Variants in CAMSAP3 observed in about 807,000 individuals in gnomAD.
The protein encoded by CAMSAP3 is calmodulin-regulated spectrin-associated protein 3.
In CAMSAP3, 34 loss-of-function variants were observed where a neutral mutation model predicts 112.5. The ratio of observed to expected loss-of-function variants is 0.30; its 90% confidence interval spans 0.23 to 0.40. The LOEUF (loss-of-function observed/expected upper bound fraction) is 0.40. Ranked by LOEUF, CAMSAP3 falls within the 10% of genes least tolerant of loss-of-function variation. CAMSAP3 has a pLI of 1.00. For synonymous variants in CAMSAP3, 868 were observed against 799.8 expected (o/e 1.09, Z -1.44); for missense variants, 1,602 against 1,770.3 (o/e 0.90, Z 1.71).
rs539455375 is a variant in CAMSAP3 at position 7,595,877 on chromosome 19, AGCGGCGGCG to A, written c.-111_-103del. On this transcript the variant is annotated 5_prime_UTR_variant, in exon 1 of 17. Transcript: ENST00000160298. ...CGCAAGCGGCCGCACCTGGCTCAGC[AGCGGCGGCG>A]GCGGCGGCGGCGGCAGCGGCGGTAG... is the stretch of plus-strand genomic sequence containing the variant. 4 of 279,942 alleles carry A rather than the reference AGCGGCGGCG, an allele frequency of 1.4e-5. No individual in the cohort carries two copies. The highest frequency in any genetic ancestry group is 1.6e-5 in the Non-Finnish European group (3 of 186,976). The allele number at this position is 279,942 out of a possible 1,614,324, so 17.3% of individuals were successfully genotyped here.
At position 7,610,632 on chromosome 19, in the gene CAMSAP3, GC is replaced by G. The variant is rs2030430600; in HGVS notation, c.900+19del. The G allele has an allele frequency of 1.9e-6, 3 of 1,613,668 alleles. No individual in the cohort carries two copies. The highest frequency in any genetic ancestry group is 1.7e-5 in the Admixed American group (1 of 60,022). ...CCACTCAAGGTAAGGCCATCCTGGGGCCTCCTGGGCCGAGGCGGGCATCTGG... is the reference window on the plus strand; with the variant it reads ...CCACTCAAGGTAAGGCCATCCTGGGGCTCCTGGGCCGAGGCGGGCATCTGG... On this transcript the variant is annotated intron_variant, in intron 6 of 16. Coordinates refer to ENST00000160298, the MANE Select transcript of CAMSAP3 (RefSeq NM_020902.2). This position sits in a 1 kb window ranked among gnomAD's most constrained non-coding sequence, Gnocchi z 4.9.
rs569966559 is a variant in CAMSAP3 at position 7,612,323 on chromosome 19, A to T, written c.1830A>T (p.Lys610Asn). Residue 610 changes from lysine to asparagine, a missense_variant, in exon 11 of 17, where the codon AAA becomes AAT. Transcript: ENST00000160298. ...AGCTCAGCGCCCGGCTGGAGGAGAA[A>T]CGCAGAGCCATCGAGGCTCAGAAGC... is the stretch of plus-strand genomic sequence containing the variant. The part of the protein sequence containing the change: ...MSELSARLEE[K>N]RRAIEAQKRR... 1.2e-6 allele frequency: 2 copies of T among 1,605,292 alleles called. No individual in the cohort carries two copies. The highest frequency in any genetic ancestry group is 3.4e-5 in the Admixed American group (2 of 59,410).
intron 2 of CAMSAP3, among the ~76,000 whole-genome samples, chr19:7,605,792 A>T (rs1328001000): frequency 1.4e-5 from 2 of 142,970 alleles, no homozygotes; most frequent in African/African-American, 5.3e-5. Flanking sequence ...TGTCCATCAA[A>T]CCTAGCTCCT....
Position 7,617,743 on chromosome 19 carries a change from C to T in CAMSAP3, c.3445-9C>T, listed in dbSNP as rs755021418. ...TGGCCAGCTGACCATTTCCAGCACT[C>T]CTGCCCAGGAAATTGAGAAAAGCAA... On this transcript the variant is annotated splice_polypyrimidine_tract_variant and intron_variant, in intron 16 of 16. Coordinates refer to ENST00000160298, the MANE Select transcript of CAMSAP3 (RefSeq NM_020902.2). This position sits in a 1 kb window ranked among gnomAD's most constrained non-coding sequence, Gnocchi z 7.5. 5.0e-6 allele frequency: 8 copies of T among 1,611,672 alleles called. No homozygotes were observed. In the African/African-American group the frequency reaches 9.3e-5, roughly 19 times the overall value.
At position 7,617,568 on chromosome 19, in the gene CAMSAP3, C is replaced by T. The variant is rs1453048487; in HGVS notation, c.3351C>T (p.Ser1117=). The change falls in exon 16 of 17, where the codon AGC becomes AGT. Residue 1117 remains serine (S), a synonymous_variant. Transcript: ENST00000160298. This position sits in a 1 kb window ranked among gnomAD's most constrained non-coding sequence, Gnocchi z 7.5. ...YTGPRLYKEP[S]AKSNKFIIHN... ...GTCCACGGCTGTACAAAGAACCCAG[C>T]GCCAAGTCCAACAAGTTCATCATCC... The T allele has an allele frequency of 2.2e-5, 35 of 1,614,154 alleles. No individual in the cohort carries two copies. The East Asian group carries it at 5.8e-4, about 27-fold the overall frequency.
Position 7,607,887 on chromosome 19 carries a change from C to A in CAMSAP3, c.622-239C>A, listed in dbSNP as rs747122417. The A allele has an allele frequency of 4.7e-6, 5 of 1,059,220 alleles. No homozygotes were observed. The East Asian group carries it at 7.3e-5, about 15-fold the overall frequency. The allele number at this position is 1,059,220 out of a possible 1,614,324, so 65.6% of individuals were successfully genotyped here. A position where few individuals can be genotyped will look rare whatever the true frequency, so the allele number is the denominator to read the frequency against. On this transcript the variant is annotated intron_variant, in intron 4 of 16. Coordinates refer to ENST00000160298, the MANE Select transcript of CAMSAP3 (RefSeq NM_020902.2). The surrounding 1 kb of genome is among the most constrained non-coding windows in gnomAD (Gnocchi z 4.9). ...CCCCATGGTAATGTATCCCCCGCCC[C>A]GGGGTCCCAGGAGTCCCTGTCCCCA...
At chr19:7,597,356 A>G (rs964272444) in intron 1 of CAMSAP3, among the ~76,000 whole-genome samples, 4 of 152,178 alleles carry the variant, frequency 2.6e-5, no homozygotes, top group Non-Finnish European at 5.9e-5. Flanking sequence ...GAGATTGGGC[A>G]TTGGACAGCC....
intron 1 of CAMSAP3, among the ~76,000 whole-genome samples, chr19:7,603,435 G>A (rs910987450): frequency 3.3e-5 from 5 of 151,902 alleles, no homozygotes; most frequent in Admixed American, 6.6e-5. Flanking sequence ...GGCTGGTCTT[G>A]AACTCCTGAC....
At position 7,615,439 on chromosome 19, in the gene CAMSAP3, G is replaced by C. The variant is rs1387982968; in HGVS notation, c.2832G>C (p.Pro944=). 5.2e-6 allele frequency: 8 copies of C among 1,540,966 alleles called. No individual in the cohort carries two copies. The highest frequency in any genetic ancestry group is 1.2e-5 in the South Asian group (1 of 83,922). ...GCAGGCTGGCCCAAGAGGAGGCCCCGGGCCCAGCCCCGCTTGTGTCCGCAG... is the reference window on the plus strand; with the variant it reads ...GCAGGCTGGCCCAAGAGGAGGCCCCCGGCCCAGCCCCGCTTGTGTCCGCAG... ...EAARLAQEEA[P]GPAPLVSAVP... is the part of the protein sequence containing the mutation. Residue 944 remains proline, a synonymous_variant, in exon 13 of 17, where the codon CCG becomes CCC. Transcript: ENST00000160298. This position sits in a 1 kb window ranked among gnomAD's most constrained non-coding sequence, Gnocchi z 6.5.
chr19:7,617,241 TC>T lies in CAMSAP3; in HGVS notation c.3213-84del. On this transcript the variant is annotated intron_variant, in intron 14 of 16. Transcript: ENST00000160298. The surrounding 1 kb of genome is among the most constrained non-coding windows in gnomAD (Gnocchi z 7.5). ...CGTGGCCCTTATTTTCCTTGGCCCC[TC>T]TGCACATAGGGAAGCTTCCCATCTC... 6 of 961,120 alleles carry T rather than the reference TC, an allele frequency of 6.2e-6. No individual in the cohort carries two copies. In the South Asian group the frequency reaches 7.9e-5, roughly 13 times the overall value. The allele number at this position is 961,120 out of a possible 1,614,324, so 59.5% of individuals were successfully genotyped here. A position where few individuals can be genotyped will look rare whatever the true frequency, so the allele number is the denominator to read the frequency against.
At position 7,611,509 on chromosome 19, in the gene CAMSAP3, TC is replaced by T. The variant is rs1389138983; in HGVS notation, c.1124-3del. 1 of 1,604,712 alleles carries T rather than the reference TC, an allele frequency of 6.2e-7. No homozygotes were observed. The highest frequency in any genetic ancestry group is 1.7e-5 in the Admixed American group (1 of 58,720). ...GTCCCCATAGTGACCACTCATCGCC[TC>T]CCCCAGGCTCCCTGAAGTCTTCCCC... On this transcript the variant is annotated splice_polypyrimidine_tract_variant and splice_region_variant and intron_variant, in intron 9 of 16. Transcript: ENST00000160298. The surrounding 1 kb of genome is among the most constrained non-coding windows in gnomAD (Gnocchi z 6.9).
Position 7,612,974 on chromosome 19 carries a change from C to T in CAMSAP3, c.2481C>T (p.Leu827=). Residue 827 remains leucine, a synonymous_variant, in exon 11 of 17, where the codon CTC becomes CTT. Transcript: ENST00000160298. ...CCGTGCAGACGCGCTCTTCCATCCT[C>T]CTGGCGGAGGAGACGCCCCCCGAGG... ...QVPVQTRSSI[L]LAEETPPEEP... is the part of the protein sequence containing the mutation. 1 of 1,598,466 alleles carries T rather than the reference C, an allele frequency of 6.3e-7. No homozygotes were observed. The highest frequency in any genetic ancestry group is 8.5e-7 in the Non-Finnish European group (1 of 1,174,880).
At position 7,613,062 on chromosome 19, in the gene CAMSAP3, G is replaced by A. The variant is rs770059110; in HGVS notation, c.2569G>A (p.Glu857Lys). 1.7e-5 allele frequency: 27 copies of A among 1,548,220 alleles called. No individual in the cohort carries two copies. In the South Asian group the frequency reaches 1.8e-4, roughly 10 times the overall value. ...PLGSLADPAA[E>K]DEGDGSPAGA... ...GGGCAGCCTGGCAGATCCCGCCGCC[G>A]AGGACGAGGGAGACGGGAGCCCCGC... is the stretch of plus-strand genomic sequence containing the variant. Residue 857 changes from glutamate to lysine, a missense_variant, in exon 11 of 17, where the codon GAG (glutamate) becomes AAG (lysine). Physicochemically the swap from Glu to Lys is moderately conservative, Grantham distance 56. Coordinates refer to ENST00000160298, the MANE Select transcript of CAMSAP3 (RefSeq NM_020902.2).
chr19:7,615,495 G>A lies in CAMSAP3; in HGVS notation c.2888G>A (p.Arg963Gln). ...VPMATPAPAA[R>Q]APAEEEVGPR... ...ATGGCGACTCCAGCCCCTGCTGCCC[G>A]GGCTCCAGCCGAGGAGGAGGTGGGC... The change falls in exon 13 of 17, where the codon CGG becomes CAG. Residue 963 changes from arginine to glutamine, a missense_variant. Transcript: ENST00000160298. The surrounding 1 kb of genome is among the most constrained non-coding windows in gnomAD (Gnocchi z 6.5). The A allele has an allele frequency of 1.9e-6, 3 of 1,540,114 alleles. No homozygotes were observed. The highest frequency in any genetic ancestry group is 2.6e-6 in the Non-Finnish European group (3 of 1,145,372).
Position 7,615,264 on chromosome 19 carries a change from C to CGGCGGCGCAAGCAGTG in CAMSAP3, c.2754_2769dup (p.Gln924AlafsTer78). On this transcript the variant is annotated frameshift_variant, in exon 12 of 17. Coordinates refer to ENST00000160298, the MANE Select transcript of CAMSAP3 (RefSeq NM_020902.2). LOFTEE classifies it high-confidence loss of function. The surrounding 1 kb of genome is among the most constrained non-coding windows in gnomAD (Gnocchi z 6.5). ...GCAGCAGCGGCGAGCAGAGGAGGCG[C>CGGCGGCGCAAGCAGTG]GGCGGCGCAAGCAGTGGCAGGAGGT... 6.5e-7 allele frequency: 1 copy of CGGCGGCGCAAGCAGTG among 1,549,974 alleles called. No individual in the cohort carries two copies. The highest frequency in any genetic ancestry group is 8.7e-7 in the Non-Finnish European group (1 of 1,146,886).
chr19:7,617,902 G>C lies in CAMSAP3; in HGVS notation c.3595G>C (p.Glu1199Gln). The C allele has an allele frequency of 6.2e-7, 1 of 1,614,048 alleles. No homozygotes were observed. The highest frequency in any genetic ancestry group is 8.5e-7 in the Non-Finnish European group (1 of 1,180,010). ...GPRTVTPAMV[E>Q]GIYKYNSDRK... is the part of the protein sequence containing the mutation. Reference sequence around the variant, plus strand: ...CCGGACCGTCACGCCCGCCATGGTGGAAGGCATCTACAAGTACAACTCGGA... The same window carrying C: ...CCGGACCGTCACGCCCGCCATGGTGCAAGGCATCTACAAGTACAACTCGGA... The change falls in exon 17 of 17, where the codon GAA becomes CAA. Residue 1199 changes from glutamate to glutamine, a missense_variant. Glu to Gln is a conservative substitution (Grantham distance 29, BLOSUM62 2). This residue lies in a region of CAMSAP3 where 150 missense variants were observed against 207.6 expected (regional missense o/e 0.72). Coordinates refer to ENST00000160298, the MANE Select transcript of CAMSAP3 (RefSeq NM_020902.2). The surrounding 1 kb of genome is among the most constrained non-coding windows in gnomAD (Gnocchi z 7.5).
chr19:7,602,762 C>T (rs2030025130), intron 1 of CAMSAP3, among the ~76,000 whole-genome samples: 1 of 151,890 alleles, frequency 6.6e-6, no homozygotes, highest in African/African-American at 2.4e-5. Flanking sequence ...TGGGGCATGT[C>T]CATTTACAAG....
At chr19:7,606,159 C>CA (rs2030209069) in intron 2 of CAMSAP3, 112 bp from the exon 3 acceptor site, 4 of 639,404 alleles carry the variant, frequency 6.3e-6, no homozygotes, top group East Asian at 4.7e-5. Context: ...AAGCCCCACC[C>CA]CCCCCGTCAA....
In CAMSAP3 at chr19:7,596,057, C is replaced by A. The variant is rs866871044; in HGVS notation, c.55C>A (p.Pro19Thr). The A allele has an allele frequency of 7.8e-7, 1 of 1,279,358 alleles. No homozygotes were observed. Among genetic ancestry groups the A allele is most frequent in the Admixed American group, 2.6e-5 (1 of 39,148 alleles). 79.3% of individuals were successfully genotyped at this position (1,279,358 alleles called of 1,614,324 possible). A position where few individuals can be genotyped will look rare whatever the true frequency, so the allele number is the denominator to read the frequency against. The change falls in exon 1 of 17, where the codon CCC becomes ACC. Residue 19 changes from proline to threonine, a missense_variant. Physicochemically the swap from Pro to Thr is conservative, Grantham distance 38. Around this residue, in one of 6 missense-constraint regions of CAMSAP3, gnomAD observed 147 missense variants for 144.6 expected, o/e 1.02. Transcript: ENST00000160298. The stretch of plus-strand genomic sequence containing the variant: ...GCCGCTGCGGAGGACCTTTCTAGTG[C>A]CCGAGATCAAGTCGCTGGACCAGTA... ...PGPLRRTFLV[P>T]EIKSLDQYDF...
Sources: gnomAD v4.1 joint callset for allele counts (sites outside exome capture counted in the v4.1 genomes callset) on GRCh38, gnomAD v4.1.1 for gene constraint, gnomAD v4.1.1 regional missense constraint, Gnocchi (gnomAD v3.1) non-coding constraint, MANE v1.5 for transcripts, NCBI Gene and HGNC (gene_info 2026-07-23, HGNC 2026-07-21) for gene names.